ARSH: variants seen among roughly 807,000 people sequenced by gnomAD.
ARSH encodes arylsulfatase family member H.
A neutral mutation model predicts 28.7 loss-of-function variants in ARSH; 32 were observed. That is an observed-to-expected ratio of 1.11 (90% CI 0.84 to 1.50). The LOEUF is 1.50. Ranked by LOEUF, ARSH falls within the 40% of genes most tolerant of loss-of-function variation. The pLI is 0.00. For synonymous variants in ARSH, 176 were observed against 177.3 expected (o/e 0.99, Z 0.06); for missense variants, 440 against 452.4 (o/e 0.97, Z 0.25).
chrX:3,012,461 A>G (rs1224287064), intron 2 of ARSH, among the ~76,000 whole-genome samples: 4 of 90,659 alleles, frequency 4.4e-5, no homozygotes, highest in Non-Finnish European at 4.2e-5. Context: ...GAATTGCTTG[A>G]ACCTGGGAGG....
rs1190109374 is a variant in ARSH at position 3,033,305 on chromosome X, C to T, written c.1609C>T (p.Pro537Ser). The T allele has an allele frequency of 8.3e-7, 1 of 1,210,775 alleles. No individual in the cohort carries two copies. The highest frequency in any genetic ancestry group is 1.8e-5 in the South Asian group (1 of 56,691). ...CTCTGTGTTCAACACAATTTGGAAA[C>T]CATGGCTGCAGCCTTGCTGTGGGAC... is the stretch of plus-strand genomic sequence containing the variant. Reference protein sequence around the residue: ...QFSVFNTIWKPWLQPCCGTFP... With the variant: ...QFSVFNTIWKSWLQPCCGTFP... Residue 537 changes from proline to serine, a missense_variant, in exon 9 of 9, where the codon CCA becomes TCA. Transcript: ENST00000381130.
intron 8 of ARSH, 64 bp downstream of exon 8, chrX:3,029,432 T>A: frequency 8.6e-7 from 1 of 1,161,453 alleles, no homozygotes; most frequent in Non-Finnish European, 1.2e-6. Flanking sequence ...CTCCTTCGTC[T>A]CCTGGCGGAA....
rs1239911717 is a variant in ARSH, at chrX:3,013,168, C to T, written c.336C>T (p.Leu112=). 31 of 1,203,224 alleles carry T rather than the reference C, an allele frequency of 2.6e-5. No individual in the cohort carries two copies. The highest frequency in any genetic ancestry group is 3.2e-5 in the Non-Finnish European group (29 of 892,333). The part of the protein sequence containing the change: ...LLQHRGYRTG[L]IGKWHLGLSC... ...AGCACCGTGGCTACCGCACGGGACT[C>T]ATAGGTATGGCGCCGGAACTCTGCC... The change falls in exon 3 of 9, where the codon CTC becomes CTT. Residue 112 remains leucine (L), a synonymous_variant. Transcript: ENST00000381130.
Position 3,010,140 on chromosome X carries a change from C to T in ARSH, c.203C>T (p.Pro68Leu), listed in dbSNP as rs1008715692. The change falls in exon 2 of 9, where the codon CCC becomes CTC. Residue 68 changes from proline (P) to leucine (L), a missense_variant. Pro to Leu is a moderately conservative substitution (Grantham distance 98). Transcript: ENST00000381130. ...GCTGCCTTCCTGACCGGCCGGTACC[C>T]CATCAGATCAGGTGAGGCAATAAAA... The part of the protein sequence containing the change: ...SRAAFLTGRY[P>L]IRSGMVSAYN... The T allele has an allele frequency of 1.7e-6, 2 of 1,210,709 alleles. No homozygotes were observed. The highest frequency in any genetic ancestry group is 3.0e-5 in the East Asian group (1 of 33,841).
intron 5 of ARSH, among the ~76,000 whole-genome samples, chrX:3,023,330 T>C (rs747487774): frequency 5.7e-5 from 6 of 105,587 alleles, no homozygotes; most frequent in South Asian, 4.1e-4. Context: ...ATGTTCATTA[T>C]ATATTATACA....
rs772107212 is a variant in ARSH at position 3,029,488 on chromosome X, G to C, written c.1321+120G>C. 6 of 903,009 alleles carry C rather than the reference G, an allele frequency of 6.6e-6. No homozygotes were observed. The African/African-American group carries it at 1.2e-4, about 18-fold the overall frequency. 74.4% of individuals were successfully genotyped at this position (903,009 alleles called of 1,213,427 possible). ...TGCCCAGCTATGATGGTTCTTTTTC[G>C]CTGAGAAAGCCACATAAACAGTGCA... is the stretch of plus-strand genomic sequence containing the variant. On this transcript the variant is annotated intron_variant, in intron 8 of 8. Transcript: ENST00000381130.
intron 2 of ARSH, 64 bp from the exon 3 acceptor site, chrX:3,012,983 T>C: frequency 8.7e-7 from 1 of 1,150,949 alleles, no homozygotes; most frequent in Non-Finnish European, 1.2e-6. Flanking sequence ...ACTTTAAGCA[T>C]GTCGGGATAA....
intron 2 of ARSH, among the ~76,000 whole-genome samples, chrX:3,010,808 T>C (rs1001784372): frequency 8.9e-6 from 1 of 111,909 alleles, no homozygotes; most frequent in East Asian, 2.8e-4. Flanking sequence ...CTATGTGAAA[T>C]ATCGTGTCAT....
intron 1 of ARSH, among the ~76,000 whole-genome samples, chrX:3,007,686 G>A (rs1038216763): frequency 9.4e-6 from 1 of 106,773 alleles, no homozygotes; most frequent in Non-Finnish European, 1.9e-5. Context: ...TTCTTATGAG[G>A]TGTCTTAGTC....
In ARSH at chrX:3,018,595, T is replaced by G. The variant is rs746868437; in HGVS notation, c.826T>G (p.Ser276Ala). ...CCTGCACGTACATACTCCACTCATC[T>G]CCAAAAAGAAGTTTGTTGGGCGCAG... Reference protein sequence around the residue: ...SFLHVHTPLISKKKFVGRSKY... With the variant: ...SFLHVHTPLIAKKKFVGRSKY... Residue 276 changes from serine (S) to alanine (A), a missense_variant, in exon 5 of 9, where the codon TCC (serine) becomes GCC (alanine). Physicochemically the swap from Ser to Ala is moderately conservative, Grantham distance 99 (BLOSUM62 1). Coordinates refer to ENST00000381130, the MANE Select transcript of ARSH (RefSeq NM_001011719.2). 6.6e-6 allele frequency: 8 copies of G among 1,210,562 alleles called. No individual in the cohort carries two copies. The highest frequency in any genetic ancestry group is 8.9e-6 in the Non-Finnish European group (8 of 894,561).
intron 7 of ARSH, among the ~76,000 whole-genome samples, chrX:3,029,002 C>T (rs779127201): frequency 2.8e-5 from 3 of 106,811 alleles, no homozygotes; most frequent in Admixed American, 1.0e-4. Flanking sequence ...TGCTTGAACC[C>T]GGGAGGCGGA....
chrX:3,033,717 G>A lies in ARSH; in HGVS notation c.*332G>A, dbSNP rs932658237. ...GGAAGCATCAGGTCCAATGTCATAA[G>A]TTAGAAACTTCTGCTTGCAGATTCT... is the stretch of plus-strand genomic sequence containing the variant. On this transcript the variant is annotated 3_prime_UTR_variant, in exon 9 of 9. Transcript: ENST00000381130. The A allele has an allele frequency of 2.9e-5, 4 of 138,648 alleles. No individual in the cohort carries two copies. Among genetic ancestry groups the A allele is most frequent in the African/African-American group, 1.3e-4 (4 of 31,941 alleles). 11.4% of individuals were successfully genotyped at this position (138,648 alleles called of 1,213,427 possible).
intron 1 of ARSH, among the ~76,000 whole-genome samples, chrX:3,008,393 T>G (rs983024056): frequency 9.0e-6 from 1 of 111,679 alleles, no homozygotes; most frequent in Non-Finnish European, 1.9e-5. Context: ...CACAGTCTAG[T>G]CCTATATCTT....
chrX:3,012,574 T>A (rs866644207), intron 2 of ARSH, among the ~76,000 whole-genome samples: 75 of 16,645 alleles, frequency 4.5e-3, no homozygotes, highest in African/African-American at 0.013. Flanking sequence ...AAAAAATATA[T>A]ATATATATAT....
In ARSH at chrX:3,033,063, C is replaced by T. The variant is rs776315911; in HGVS notation, c.1367C>T (p.Pro456Leu). The T allele has an allele frequency of 2.2e-5, 26 of 1,209,245 alleles. No homozygotes were observed. Among genetic ancestry groups the T allele is most frequent in the Non-Finnish European group, 2.8e-5 (25 of 894,951 alleles). The change falls in exon 9 of 9, where the codon CCT becomes CTT. Residue 456 changes from proline (P) to leucine (L), a missense_variant. Transcript: ENST00000381130. Reference sequence around the variant, plus strand: ...CATTATGTGACTCCTAAATTCTACCCTGAAGGAACAGGTGCCTGCTATGGG... The same window carrying T: ...CATTATGTGACTCCTAAATTCTACCTTGAAGGAACAGGTGCCTGCTATGGG... ...KAHYVTPKFY[P>L]EGTGACYGSG...
intron 8 of ARSH, among the ~76,000 whole-genome samples, chrX:3,031,876 T>A (rs924932302): frequency 1.8e-5 from 2 of 111,389 alleles, no homozygotes; most frequent in Non-Finnish European, 3.8e-5. Flanking sequence ...CTTGGCCACC[T>A]CTGACATGCT....
chrX:3,025,717 C>G (rs1417399698), intron 6 of ARSH, among the ~76,000 whole-genome samples: 1 of 109,951 alleles, frequency 9.1e-6, no homozygotes, highest in African/African-American at 3.3e-5. Context: ...GGTGCTAAAC[C>G]TAGTAGAAAA....
intron 1 of ARSH, among the ~76,000 whole-genome samples, chrX:3,007,536 C>G (rs1246027923): frequency 1.8e-5 from 2 of 111,910 alleles, no homozygotes; most frequent in African/African-American, 6.5e-5. Flanking sequence ...TCTCACAGTC[C>G]TGGAGGCTGG....
chrX:3,015,295 T>A lies in ARSH; in HGVS notation c.666T>A (p.Asn222Lys). The A allele has an allele frequency of 8.3e-7, 1 of 1,211,579 alleles. No individual in the cohort carries two copies. Among genetic ancestry groups the A allele is most frequent in the Non-Finnish European group, 1.1e-6 (1 of 895,416 alleles). Reference sequence around the variant, plus strand: ...GTTATGGATTTACTCGACGTTGGAATTGCATCCTTATGAGGAACCATGAAA... The same window carrying A: ...GTTATGGATTTACTCGACGTTGGAAATGCATCCTTATGAGGAACCATGAAA... ...YSSYGFTRRW[N>K]CILMRNHEII... The change falls in exon 4 of 9, where the codon AAT becomes AAA. Residue 222 changes from asparagine to lysine, a missense_variant. Coordinates refer to ENST00000381130, the MANE Select transcript of ARSH (RefSeq NM_001011719.2).
Sources: gnomAD v4.1 joint callset for allele counts (sites outside exome capture counted in the v4.1 genomes callset) on GRCh38, gnomAD v4.1.1 for gene constraint, MANE v1.5 for transcripts, NCBI Gene and HGNC (gene_info 2026-07-23, HGNC 2026-07-21) for gene names.